GADL1: variants seen among roughly 807,000 people sequenced by gnomAD.
GADL1 encodes GAD like acidic amino acid decarboxylase 1.
Under a neutral mutation model 69.5 loss-of-function variants are expected in GADL1, and 71 were observed. That is an observed-to-expected ratio of 1.02 (90% CI 0.84 to 1.25). The LOEUF is 1.25. GADL1 is among the 50% of genes most tolerant of loss of function. GADL1 has a pLI of 0.00. For synonymous variants in GADL1, 254 were observed against 214.4 expected, an observed-to-expected ratio of 1.18 and a Z score of -1.62; for missense variants, 737 against 631.8, an observed-to-expected ratio of 1.17 and a Z score of -1.79.
chr3:30,751,913 C>A (rs7640461), intron 14 of GADL1, among the ~76,000 whole-genome samples: 1 of 152,052 alleles, frequency 6.6e-6, no homozygotes, highest in African/African-American at 2.4e-5. Flanking sequence ...TGTTTCTCTC[C>A]CCAATATCCC....
rs146352867 is a variant in GADL1, at chr3:30,774,136, G to A, written c.1392+4043C>T. 5.8e-4 allele frequency among the ~76,000 whole-genome samples: 89 copies of A among 152,202 alleles called. 1 individual carries two copies. In the East Asian group the frequency reaches 0.016, roughly 27 times the overall value. On this transcript the variant is annotated intron_variant, in intron 14 of 14. Coordinates refer to ENST00000282538, the MANE Select transcript of GADL1 (RefSeq NM_207359.3). ...GTACAACATTCCTAGGGAATACCTA[G>A]GAAATTTGGGTAAATGTTTCAGATT...
At chr3:30,761,431 C>T (rs537994495) in intron 14 of GADL1, among the ~76,000 whole-genome samples, 1 of 152,108 alleles carries the variant, frequency 6.6e-6, no homozygotes, top group East Asian at 1.9e-4. Context: ...GTCGGTGGCG[C>T]ACACACATTT....
At chr3:30,848,451 G>A (rs1698091384) in intron 6 of GADL1, among the ~76,000 whole-genome samples, 1 of 152,124 alleles carries the variant, frequency 6.6e-6, no homozygotes, top group Non-Finnish European at 1.5e-5. Flanking sequence ...ACTAACTTTT[G>A]TATTTAGAAG....
intron 14 of GADL1, among the ~76,000 whole-genome samples, chr3:30,773,985 G>A (rs925527664): frequency 6.6e-6 from 1 of 152,116 alleles, no homozygotes. Context: ...CCAATTTCCA[G>A]TGTTTCCTAA....
chr3:30,818,792 T>A lies in GADL1; in HGVS notation c.1050+15061A>T, dbSNP rs59481104. ...TGTGAAATTTCCTTGTCCAATTTGGTCACTGCAGTTGTGTGTTGAGCTCCA... is the reference window on the plus strand; with the variant it reads ...TGTGAAATTTCCTTGTCCAATTTGGACACTGCAGTTGTGTGTTGAGCTCCA... On this transcript the variant is annotated intron_variant, in intron 11 of 14. Transcript: ENST00000282538. 0.016 allele frequency among the ~76,000 whole-genome samples: 2,437 copies of A among 152,280 alleles called. 167 individuals are homozygous for A. The East Asian group carries it at 0.25, about 16-fold the overall frequency.
chr3:30,764,794 C>CT (rs1228976963), intron 14 of GADL1, among the ~76,000 whole-genome samples: 1 of 152,184 alleles, frequency 6.6e-6, no homozygotes, highest in Non-Finnish European at 1.5e-5. Context: ...CCAGGTTGTA[C>CT]TGACAATCTC....
At chr3:30,875,947 C>A (rs1363365744) in intron 1 of GADL1, among the ~76,000 whole-genome samples, 1 of 151,944 alleles carries the variant, frequency 6.6e-6, no homozygotes. Flanking sequence ...GCCTGGATTA[C>A]CAGATTTTCC....
chr3:30,873,377 G>A (rs1225005330), intron 1 of GADL1, among the ~76,000 whole-genome samples: 1 of 151,864 alleles, frequency 6.6e-6, no homozygotes, highest in Admixed American at 6.6e-5. Flanking sequence ...ACTGAAGTTA[G>A]AGAAAGAGAA....
intron 9 of GADL1, among the ~76,000 whole-genome samples, chr3:30,837,259 C>G (rs1440228753): frequency 6.6e-6 from 1 of 151,946 alleles, no homozygotes; most frequent in African/African-American, 2.4e-5. Flanking sequence ...TAATAAAGTA[C>G]CTATGGCATA....
chr3:30,751,270 C>A (rs907158728), intron 14 of GADL1, among the ~76,000 whole-genome samples: 1 of 151,974 alleles, frequency 6.6e-6, no homozygotes, highest in East Asian at 1.9e-4. Flanking sequence ...CTAAAGGGCA[C>A]GTGGGGGGTG....
chr3:30,846,067 AAC>A (rs1370142611), intron 6 of GADL1, among the ~76,000 whole-genome samples: 3 of 151,898 alleles, frequency 2.0e-5, no homozygotes, highest in African/African-American at 4.8e-5. Flanking sequence ...AAAAAAAAAA[AAC>A]AAAAAACTGC....
intron 14 of GADL1, among the ~76,000 whole-genome samples, chr3:30,776,538 C>T (rs1297617670): frequency 1.3e-5 from 2 of 152,208 alleles, no homozygotes; most frequent in Non-Finnish European, 2.9e-5. Context: ...AGATATAACA[C>T]CATCCATCTC....
chr3:30,754,201 T>A (rs1575185618), intron 14 of GADL1, among the ~76,000 whole-genome samples: 2 of 152,210 alleles, frequency 1.3e-5, no homozygotes, highest in East Asian at 1.9e-4. Flanking sequence ...CCTTTTTTGC[T>A]TTCCTCATGG....
At chr3:30,845,741 A>C (rs1482085690) in intron 6 of GADL1, among the ~76,000 whole-genome samples, 1 of 152,156 alleles carries the variant, frequency 6.6e-6, no homozygotes, top group African/African-American at 2.4e-5. Context: ...TACTTGCTCC[A>C]CCAGCCTATG....
At chr3:30,889,934 C>T (rs142645555) in intron 1 of GADL1, among the ~76,000 whole-genome samples, 6 of 152,314 alleles carry the variant, frequency 3.9e-5, no homozygotes, top group Admixed American at 3.9e-4. Context: ...ACAATCCCAT[C>T]TACCTAGAGA....
chr3:30,894,339 C>T (rs1698824529), intron 1 of GADL1, among the ~76,000 whole-genome samples: 1 of 152,198 alleles, frequency 6.6e-6, no homozygotes. Flanking sequence ...TAACAAACGC[C>T]CGTTATGTCT....
chr3:30,821,520 C>G (rs1697580183), intron 11 of GADL1, among the ~76,000 whole-genome samples: 1 of 140,282 alleles, frequency 7.1e-6, no homozygotes, highest in African/African-American at 3.0e-5. Flanking sequence ...TACTTTTGTA[C>G]ATATTTGAAA....
chr3:30,753,459 TTC>T (rs895367984), intron 14 of GADL1, among the ~76,000 whole-genome samples: 6 of 151,948 alleles, frequency 3.9e-5, no homozygotes, highest in African/African-American at 1.2e-4. Context: ...TAGGAAAAAA[TTC>T]TCAGGTTTTT....
intron 14 of GADL1, among the ~76,000 whole-genome samples, chr3:30,753,042 T>G (rs1364006812): frequency 1.3e-5 from 2 of 152,168 alleles, no homozygotes; most frequent in African/African-American, 2.4e-5. Context: ...ACGGGCATCT[T>G]CTTAAACCAG....
Sources: gnomAD v4.1 joint callset for allele counts (sites outside exome capture counted in the v4.1 genomes callset) on GRCh38, gnomAD v4.1.1 for gene constraint, MANE v1.5 for transcripts, NCBI Gene and HGNC (gene_info 2026-07-23, HGNC 2026-07-21) for gene names.